ITGA6: variants seen among roughly 807,000 people sequenced by gnomAD.
ITGA6 encodes the protein integrin alpha-6.
A neutral mutation model predicts 133.6 loss-of-function variants in ITGA6; 63 were observed. The observed-to-expected ratio is 0.47, with a 90% CI of 0.38 to 0.58. The LOEUF (loss-of-function observed/expected upper bound fraction) is 0.58, where lower values mean the gene tolerates loss of function less well. Ranked by LOEUF, ITGA6 falls within the 20% of genes least tolerant of loss-of-function variation. The probability of loss-of-function intolerance (pLI) is 0.00; values close to 1 mark genes in which losing one functional copy is unlikely to be tolerated. For synonymous variants in ITGA6, 434 were observed against 482.0 expected (o/e 0.90, Z 1.30); for missense variants, 1,068 against 1,309.4 (o/e 0.82, Z 2.85).
At chr2:172,467,397 G>A in intron 2 of ITGA6, 84 bp from the exon 3 acceptor site, 1 of 1,024,244 alleles carries the variant, frequency 9.8e-7, no homozygotes. Flanking sequence ...GAGGCCATTT[G>A]GAAACAGTTG....
chr2:172,476,294 C>G, intron 8 of ITGA6, 101 bp from the exon 9 acceptor site: 1 of 786,558 alleles, frequency 1.3e-6, no homozygotes, highest in Non-Finnish European at 2.3e-6. Context: ...AGTGAACTCT[C>G]AAATTTCAGT....
upstream of ITGA6, chr2:172,427,489 G>A (rs1046087864): frequency 1.3e-4 from 141 of 1,086,514 alleles, no homozygotes; most frequent in Non-Finnish European, 1.6e-4. Context: ...CGGGCGGTGC[G>A]CCGGGCCGCG....
chr2:172,503,229 A>G (rs1486739414), intron 25 of ITGA6, among the ~76,000 whole-genome samples: 2 of 152,160 alleles, frequency 1.3e-5, no homozygotes. Context: ...AAAAAAAGTA[A>G]ATATATTTCA....
rs578145218 is a variant in ITGA6 at position 172,429,832 on chromosome 2, A to G, written c.182+1862A>G. On this transcript the variant is annotated intron_variant, in intron 1 of 25. Transcript: ENST00000684293. ...CCACACTTTAAAGAGGCTGTGGTTTATGTCACGTGCTGCCCACCTCCATGC... is the reference window on the plus strand; with the variant it reads ...CCACACTTTAAAGAGGCTGTGGTTTGTGTCACGTGCTGCCCACCTCCATGC... Among the ~76,000 whole-genome samples the G allele has an allele frequency of 5.9e-5, 9 of 152,322 alleles. No individual in the cohort carries two copies. The East Asian group carries it at 7.7e-4, about 13-fold the overall frequency.
At chr2:172,451,810 TG>T (rs1199292782) in intron 1 of ITGA6, among the ~76,000 whole-genome samples, 1 of 152,050 alleles carries the variant, frequency 6.6e-6, no homozygotes, top group African/African-American at 2.4e-5. Flanking sequence ...CTTATGTTTG[TG>T]TTTTGCCTGA....
intron 13 of ITGA6, among the ~76,000 whole-genome samples, chr2:172,486,629 C>T (rs1411611923): frequency 1.3e-5 from 2 of 152,170 alleles, no homozygotes; most frequent in African/African-American, 4.8e-5. Context: ...TTGGTATCAT[C>T]ATTATTATTG....
intron 23 of ITGA6, chr2:172,495,258 A>G (rs1447428273): frequency 6.6e-6 from 1 of 152,252 alleles, no homozygotes; most frequent in Non-Finnish European, 1.5e-5. Context: ...TTATGGGCAC[A>G]TGGTGGATGA....
intron 1 of ITGA6, chr2:172,464,438 T>G (rs1429028237): frequency 6.6e-6 from 1 of 152,266 alleles, no homozygotes; most frequent in Non-Finnish European, 1.5e-5. Context: ...GTGTTCCCAG[T>G]CCTTTTCCTC....
chr2:172,474,470 G>T (rs1686078142), intron 6 of ITGA6, among the ~76,000 whole-genome samples: 2 of 152,050 alleles, frequency 1.3e-5, no homozygotes, highest in East Asian at 1.9e-4. Flanking sequence ...TTATATTTTT[G>T]ATTTTCAGTT....
chr2:172,490,995 G>A, intron 20 of ITGA6, 29 bp from the exon 21 acceptor site: 1 of 1,065,566 alleles, frequency 9.4e-7, no homozygotes, highest in Non-Finnish European at 1.5e-6. Flanking sequence ...TACATAAATT[G>A]GAACTATTTT....
chr2:172,498,136 C>T, intron 24 of ITGA6, 36 bp downstream of exon 24: 4 of 1,595,156 alleles, frequency 2.5e-6, no homozygotes, highest in Non-Finnish European at 3.4e-6. Context: ...TCATAACAAA[C>T]TTTATTTCAT....
chr2:172,484,018 T>G (rs1686559031), intron 11 of ITGA6, among the ~76,000 whole-genome samples: 1 of 152,002 alleles, frequency 6.6e-6, no homozygotes. Flanking sequence ...ACCATGTTGG[T>G]CAGGCTGGTC....
At position 172,495,097 on chromosome 2, in the gene ITGA6, G is replaced by A. The variant is rs116273126; in HGVS notation, c.2989-2878G>A. On this transcript the variant is annotated intron_variant, in intron 23 of 25. Coordinates refer to ENST00000684293, the MANE Select transcript of ITGA6 (RefSeq NM_000210.4). ...AAATCCCTTCATTGGGTGACTTCCT[G>A]TACTGAATGAAGTTCAATGAGAACA... Among the ~76,000 whole-genome samples the A allele has an allele frequency of 1.9e-4, 29 of 152,296 alleles. No individual in the cohort carries two copies. The South Asian group carries it at 5.4e-3, about 28-fold the overall frequency.
intron 5 of ITGA6, 135 bp from the exon 6 acceptor site, chr2:172,473,920 T>TC (rs1686051314): frequency 1.6e-6 from 1 of 633,366 alleles, no homozygotes. Context: ...ATATTACGAA[T>TC]GTGATAGCTG....
At chr2:172,479,394 C>G (rs1686325658) in intron 9 of ITGA6, among the ~76,000 whole-genome samples, 1 of 152,248 alleles carries the variant, frequency 6.6e-6, no homozygotes. Context: ...TTAACCCCCA[C>G]ATGTTGCACA....
chr2:172,503,342 AACAC>A (rs879936905), intron 25 of ITGA6: 3 of 152,118 alleles, frequency 2.0e-5, no homozygotes, highest in South Asian at 2.1e-4. Context: ...TATATATATA[AACAC>A]ACACATTAAC....
chr2:172,483,540 GT>G (rs1262790992), intron 11 of ITGA6, among the ~76,000 whole-genome samples: 2 of 152,178 alleles, frequency 1.3e-5, no homozygotes, highest in African/African-American at 4.8e-5. Flanking sequence ...CTTAATGAAT[GT>G]AAGTAATTTA....
At chr2:172,502,466 G>A (rs562684731) in intron 25 of ITGA6, among the ~76,000 whole-genome samples, 3 of 152,258 alleles carry the variant, frequency 2.0e-5, no homozygotes, top group East Asian at 3.9e-4. Flanking sequence ...CTCAGGAATC[G>A]TTTTATGCTA....
intron 1 of ITGA6, among the ~76,000 whole-genome samples, chr2:172,459,451 T>G (rs1685340908): frequency 6.6e-6 from 1 of 152,042 alleles, no homozygotes; most frequent in Non-Finnish European, 1.5e-5. Flanking sequence ...TTGCAGTAGG[T>G]AGAGATCATG....
Sources: allele counts gnomAD v4.1 joint callset (sites outside exome capture counted in the v4.1 genomes callset), GRCh38; gene constraint gnomAD v4.1.1; transcripts MANE v1.5; gene names NCBI Gene and HGNC (gene_info 2026-07-23, HGNC 2026-07-21).